Variants in TM9SF2 observed in about 807,000 individuals in gnomAD.
TM9SF2 encodes transmembrane 9 superfamily member 2.
In TM9SF2, 13 loss-of-function variants were observed where a neutral mutation model predicts 84.9. The ratio of observed to expected loss-of-function variants is 0.15; its 90% CI spans 0.10 to 0.24. The LOEUF is 0.24. TM9SF2 is among the 10% of genes least tolerant of loss of function. The probability of loss-of-function intolerance (pLI) is 1.00; values close to 1 mark genes in which losing one functional copy is unlikely to be tolerated. For synonymous variants in TM9SF2, 273 were observed against 285.8 expected, an observed-to-expected ratio of 0.96 and a Z score of 0.45; for missense variants, 562 against 818.5, an observed-to-expected ratio of 0.69 and a Z score of 3.82.
chr13:99,546,024 T>A (rs746289798), intron 10 of TM9SF2, among the ~76,000 whole-genome samples: 3 of 152,228 alleles, frequency 2.0e-5, no homozygotes, highest in Non-Finnish European at 2.9e-5. Context: ...ATAGGAACTT[T>A]CTGCCGAAGG....
chr13:99,561,130 A>G (rs924266784), intron 16 of TM9SF2, among the ~76,000 whole-genome samples: 2 of 152,246 alleles, frequency 1.3e-5, no homozygotes, highest in African/African-American at 4.8e-5. Context: ...CCTTTAGTGA[A>G]CAGGTGGAAG....
chr13:99,548,733 G>A (rs749973215), intron 11 of TM9SF2, among the ~76,000 whole-genome samples: 4 of 152,232 alleles, frequency 2.6e-5, no homozygotes, highest in Admixed American at 6.5e-5. Flanking sequence ...CAGTGCTAGA[G>A]GAAGAGTTGG....
intron 1 of TM9SF2, among the ~76,000 whole-genome samples, chr13:99,507,972 C>CA (rs941055891): frequency 1.3e-5 from 2 of 151,762 alleles, no homozygotes; most frequent in African/African-American, 2.4e-5. Context: ...CTTGTTAAAA[C>CA]AAAAAAATAG....
intron 9 of TM9SF2, 57 bp downstream of exon 9, chr13:99,541,724 G>C: frequency 8.6e-7 from 1 of 1,157,228 alleles, no homozygotes; most frequent in Non-Finnish European, 1.2e-6. Context: ...TTGTTATTTT[G>C]CAAAAAGGTA....
intron 2 of TM9SF2, among the ~76,000 whole-genome samples, chr13:99,518,083 T>C (rs1354074308): frequency 2.0e-5 from 3 of 152,210 alleles, no homozygotes; most frequent in Admixed American, 6.5e-5. Context: ...CATTTTTGTT[T>C]TAAACAGAAG....
intron 1 of TM9SF2, among the ~76,000 whole-genome samples, chr13:99,505,947 G>C (rs200995032): frequency 6.6e-6 from 1 of 152,122 alleles, no homozygotes; most frequent in Admixed American, 6.5e-5. Flanking sequence ...GATAGATCAC[G>C]TTCTTAGATG....
intron 16 of TM9SF2, among the ~76,000 whole-genome samples, chr13:99,560,750 C>G (rs908852351): frequency 2.6e-5 from 4 of 152,150 alleles, no homozygotes; most frequent in African/African-American, 9.7e-5. Flanking sequence ...GGCGCGATCT[C>G]AGCTCACTGC....
At chr13:99,556,151 T>A (rs1431153073) in intron 15 of TM9SF2, among the ~76,000 whole-genome samples, 1 of 140,396 alleles carries the variant, frequency 7.1e-6, no homozygotes, top group Admixed American at 7.5e-5. Flanking sequence ...TTTTAAAGAT[T>A]TAGGTTGTGT....
At chr13:99,537,246 G>A (rs561142576) in intron 5 of TM9SF2, among the ~76,000 whole-genome samples, 4 of 152,122 alleles carry the variant, frequency 2.6e-5, no homozygotes, top group Non-Finnish European at 5.9e-5. Flanking sequence ...AGATCAACCT[G>A]ATTTAAATCT....
intron 1 of TM9SF2, among the ~76,000 whole-genome samples, chr13:99,509,189 C>A (rs2046102696): frequency 6.6e-6 from 1 of 152,222 alleles, no homozygotes; most frequent in Admixed American, 6.5e-5. Flanking sequence ...CAAGGTTCAA[C>A]CCCCACAGCT....
chr13:99,522,884 G>A (rs529563549), intron 3 of TM9SF2, among the ~76,000 whole-genome samples: 118 of 152,264 alleles, frequency 7.7e-4, no homozygotes, highest in African/African-American at 2.8e-3. Context: ...CCTTTTTGGG[G>A]CCTAGTGCTT....
chr13:99,542,149 CA>C (rs111678997), intron 9 of TM9SF2, among the ~76,000 whole-genome samples: 7,854 of 113,220 alleles, frequency 0.069, 201 homozygotes, highest in Middle Eastern at 0.16. Flanking sequence ...GACTCTGTCT[CA>C]AAAAAAAAAA....
At chr13:99,514,974 G>A (rs114935637) in intron 1 of TM9SF2, among the ~76,000 whole-genome samples, 1,578 of 152,298 alleles carry the variant, frequency 0.01, 27 homozygotes, top group African/African-American at 0.036. Flanking sequence ...GGGAAGTGAA[G>A]AAACTTGCCT....
intron 11 of TM9SF2, among the ~76,000 whole-genome samples, chr13:99,548,157 G>A (rs2046291450): frequency 6.6e-6 from 1 of 152,034 alleles, no homozygotes; most frequent in Non-Finnish European, 1.5e-5. Flanking sequence ...AGCCACACAG[G>A]CTTTCTGTCG....
intron 1 of TM9SF2, among the ~76,000 whole-genome samples, chr13:99,513,885 G>A (rs371057714): frequency 1.4e-5 from 2 of 147,710 alleles, no homozygotes; most frequent in East Asian, 4.1e-4. Flanking sequence ...CTACGGCAGT[G>A]GCAGAGACCC....
At chr13:99,536,808 C>CA in intron 5 of TM9SF2, 71 bp downstream of exon 5, 1 of 1,549,460 alleles carries the variant, frequency 6.5e-7, no homozygotes, top group Non-Finnish European at 8.8e-7. Flanking sequence ...TTTACCTGGA[C>CA]AAAAATTGTT....
In TM9SF2 at chr13:99,527,925, A is replaced by G. The variant is rs145018305; in HGVS notation, c.334-1542A>G. 5.4e-3 allele frequency among the ~76,000 whole-genome samples: 829 copies of G among 152,330 alleles called. 3 individuals are homozygous for G. The highest frequency in any genetic ancestry group is 0.044 in the Middle Eastern group (13 of 294). ...TTACGCAGCTTTCCCTGGTCTCCTA[A>G]CAAGATGGAGTTGACTCGTACCCAG... is the stretch of plus-strand genomic sequence containing the variant. On this transcript the variant is annotated intron_variant, in intron 3 of 16. Coordinates refer to ENST00000376387, the MANE Select transcript of TM9SF2 (RefSeq NM_004800.3).
At chr13:99,549,493 T>C (rs890396488) in intron 12 of TM9SF2, among the ~76,000 whole-genome samples, 1 of 152,236 alleles carries the variant, frequency 6.6e-6, no homozygotes, top group Non-Finnish European at 1.5e-5. Flanking sequence ...GTGGTCAGTC[T>C]GACATGTTGT....
At position 99,549,175 on chromosome 13, in the gene TM9SF2, T is replaced by G. The variant is rs757463078; in HGVS notation, c.1281T>G (p.Gly427=). The change falls in exon 12 of 17, where the codon GGT becomes GGG. Residue 427 remains glycine (G), a synonymous_variant. Transcript: ENST00000376387. The part of the protein sequence containing the change: ...VAARFYKSFG[G]EKWKTNVLLT... ...TGTTTTCTTCTATAGCCTTTGGAGG[T>G]GAGAAGTGGAAAACAAATGTTTTAT... The G allele has an allele frequency of 3.1e-6, 5 of 1,613,022 alleles. No homozygotes were observed. The East Asian group carries it at 1.1e-4, about 36-fold the overall frequency.
Sources: gnomAD v4.1 joint callset for allele counts (sites outside exome capture counted in the v4.1 genomes callset) on GRCh38, gnomAD v4.1.1 for gene constraint, MANE v1.5 for transcripts, NCBI Gene and HGNC (gene_info 2026-07-23, HGNC 2026-07-21) for gene names.